KCNMA1: variants seen among roughly 807,000 people sequenced by gnomAD.
The protein encoded by KCNMA1 is potassium calcium-activated channel subfamily M alpha 1.
KCNMA1 carries 29 observed loss-of-function variants against 140.0 expected under a neutral mutation model. The observed-to-expected ratio is 0.21, with a 90% CI of 0.15 to 0.28. The LOEUF (loss-of-function observed/expected upper bound fraction) is 0.28. Ranked by LOEUF, KCNMA1 falls within the 10% of genes least tolerant of loss-of-function variation. KCNMA1 has a pLI of 1.00. For missense variants in KCNMA1, 880 were observed against 1,602.2 expected, an observed-to-expected ratio of 0.55 and a Z score of 7.70; for synonymous variants, 612 against 611.9, an observed-to-expected ratio of 1.00 and a Z score of 0.00.
intron 2 of KCNMA1, among the ~76,000 whole-genome samples, chr10:77,386,837 C>G (rs2095619393): frequency 6.6e-6 from 1 of 152,178 alleles, no homozygotes. Flanking sequence ...ATGTATTTAT[C>G]TCTGTAAGCA....
chr10:76,984,667 C>A (rs2080676938), intron 19 of KCNMA1, among the ~76,000 whole-genome samples: 1 of 152,092 alleles, frequency 6.6e-6, no homozygotes, highest in Admixed American at 6.5e-5. Context: ...TGGGAACTTG[C>A]CACATAACAA....
rs536260102 is a variant in KCNMA1, at chr10:77,541,831, A to G, written c.378+95434T>C. ...ACATGCCTAGGGGTGAGGCCCAGGCATCAATATTTTAAAAGCTTCCAAAGT... is the reference window on the plus strand; with the variant it reads ...ACATGCCTAGGGGTGAGGCCCAGGCGTCAATATTTTAAAAGCTTCCAAAGT... On this transcript the variant is annotated intron_variant, in intron 1 of 27. Coordinates refer to ENST00000286628, the MANE Select transcript of KCNMA1 (RefSeq NM_001161352.2). 1.6e-3 allele frequency among the ~76,000 whole-genome samples: 249 copies of G among 152,316 alleles called. 2 individuals are homozygous for G. Among genetic ancestry groups the G allele is most frequent in the African/African-American group, 5.7e-3 (238 of 41,570 alleles).
chr10:76,930,391 T>C (rs2058966465), intron 23 of KCNMA1, among the ~76,000 whole-genome samples: 1 of 152,184 alleles, frequency 6.6e-6, no homozygotes, highest in Non-Finnish European at 1.5e-5. Flanking sequence ...TCAATATCAC[T>C]AATCATCAGA....
intron 5 of KCNMA1, among the ~76,000 whole-genome samples, chr10:77,159,391 A>G (rs1423884643): frequency 6.6e-6 from 1 of 152,102 alleles, no homozygotes; most frequent in East Asian, 1.9e-4. Context: ...ATGTTCCCTC[A>G]GCCTTCTTAT....
In KCNMA1 at chr10:77,201,098, G is replaced by C. The variant is rs569381864; in HGVS notation, c.603-16182C>G. ...GAATTCTGGGGTGTGCAGGGGGTAG[G>C]GGGTGAGGCTTTCTTTTGGCAGGAG... On this transcript the variant is annotated intron_variant, in intron 3 of 27. Transcript: ENST00000286628. Among the ~76,000 whole-genome samples, 245 of 152,236 alleles carry C rather than the reference G, an allele frequency of 1.6e-3. 1 individual carries two copies. The highest frequency in any genetic ancestry group is 2.4e-3 in the Non-Finnish European group (160 of 68,016).
chr10:77,498,417 G>A (rs1005343487), intron 1 of KCNMA1, among the ~76,000 whole-genome samples: 2 of 152,258 alleles, frequency 1.3e-5, no homozygotes, highest in Non-Finnish European at 2.9e-5. Context: ...GCTCCAGGAA[G>A]GAGGACAAGT....
At chr10:77,261,211 A>C (rs1354511041) in intron 2 of KCNMA1, among the ~76,000 whole-genome samples, 1 of 152,172 alleles carries the variant, frequency 6.6e-6, no homozygotes, top group East Asian at 1.9e-4. Flanking sequence ...TCTTACTATA[A>C]GTTTACTATA....
At chr10:77,615,709 G>A (rs1194543194) in intron 1 of KCNMA1, among the ~76,000 whole-genome samples, 3 of 152,034 alleles carry the variant, frequency 2.0e-5, no homozygotes, top group African/African-American at 4.8e-5. Context: ...GAGGCAGAGG[G>A]AAGGGAGCAT....
chr10:77,629,835 G>A (rs2092977938), intron 1 of KCNMA1, among the ~76,000 whole-genome samples: 1 of 152,130 alleles, frequency 6.6e-6, no homozygotes, highest in African/African-American at 2.4e-5. Context: ...TTCTTTGAGG[G>A]CCTACTGTGT....
intron 2 of KCNMA1, among the ~76,000 whole-genome samples, chr10:77,334,562 C>T (rs1160815751): frequency 6.6e-6 from 1 of 152,154 alleles, no homozygotes; most frequent in Non-Finnish European, 1.5e-5. Context: ...AAAACATTTA[C>T]CAACTGCCTG....
chr10:76,915,093 G>C (rs1408344709), intron 23 of KCNMA1, 44 bp from the exon 24 acceptor site: 1 of 1,413,108 alleles, frequency 7.1e-7, no homozygotes, highest in East Asian at 2.3e-5. Context: ...CAGAGAAGTA[G>C]AAAATTTGGA....
chr10:77,143,822 T>C (rs2098233238), intron 5 of KCNMA1, among the ~76,000 whole-genome samples: 1 of 152,158 alleles, frequency 6.6e-6, no homozygotes, highest in South Asian at 2.1e-4. Flanking sequence ...ACACTTGCAG[T>C]ACATTTATAT....
At chr10:77,461,822 G>A (rs78166151) in intron 1 of KCNMA1, among the ~76,000 whole-genome samples, 7,321 of 152,134 alleles carry the variant, frequency 0.048, 419 homozygotes, top group African/African-American at 0.13. Context: ...CATTGCCCCG[G>A]GGACACCCAG....
At chr10:77,022,728 A>C (rs574861671) in intron 16 of KCNMA1, among the ~76,000 whole-genome samples, 2 of 152,352 alleles carry the variant, frequency 1.3e-5, no homozygotes, top group East Asian at 3.9e-4. Flanking sequence ...TTAAAGCCTC[A>C]GTTCCATAAG....
chr10:77,435,024 A>G (rs1012344865), intron 1 of KCNMA1, among the ~76,000 whole-genome samples: 3 of 152,022 alleles, frequency 2.0e-5, no homozygotes, highest in Non-Finnish European at 4.4e-5. Context: ...TGTGATCATA[A>G]CTCACTGCAG....
intron 2 of KCNMA1, among the ~76,000 whole-genome samples, chr10:77,286,511 T>A (rs1485383345): frequency 1.3e-5 from 2 of 152,222 alleles, no homozygotes; most frequent in African/African-American, 4.8e-5. Context: ...CGTTGTTATC[T>A]AGAGTGATTT....
chr10:77,437,774 C>T (rs2097295355), intron 1 of KCNMA1, among the ~76,000 whole-genome samples: 1 of 152,188 alleles, frequency 6.6e-6, no homozygotes, highest in African/African-American at 2.4e-5. Context: ...GGACCATGCT[C>T]TGTGGACAAA....
At chr10:77,551,580 CAACTA>C (rs2154557064) in intron 1 of KCNMA1, among the ~76,000 whole-genome samples, 1 of 152,336 alleles carries the variant, frequency 6.6e-6, no homozygotes, top group East Asian at 1.9e-4. Context: ...GAACCGTTTC[CAACTA>C]AACTGGTCCT....
chr10:77,142,025 C>A (rs1423105283), intron 5 of KCNMA1, among the ~76,000 whole-genome samples: 1 of 152,096 alleles, frequency 6.6e-6, no homozygotes, highest in African/African-American at 2.4e-5. Flanking sequence ...GAGAGTGAAA[C>A]AATATATCAT....
Sources: gnomAD v4.1 joint callset for allele counts (sites outside exome capture counted in the v4.1 genomes callset) on GRCh38, gnomAD v4.1.1 for gene constraint, MANE v1.5 for transcripts, NCBI Gene and HGNC (gene_info 2026-07-23, HGNC 2026-07-21) for gene names.